Variants in COL11A1 observed in about 807,000 individuals in gnomAD.
COL11A1 encodes collagen alpha-1(XI) chain.
A neutral mutation model predicts 265.2 loss-of-function variants in COL11A1; 74 were observed. That is an observed-to-expected ratio of 0.28 (90% CI 0.23 to 0.34). COL11A1 has a LOEUF of 0.34. COL11A1 is among the 10% of genes least tolerant of loss of function. COL11A1 has a pLI of 1.00. For synonymous variants in COL11A1, 816 were observed against 727.6 expected, an observed-to-expected ratio of 1.12 and a Z score of -1.96; for missense variants, 2,165 against 2,263.6, an observed-to-expected ratio of 0.96 and a Z score of 0.88.
chr1:103,058,212 T>G (rs1028225780), intron 4 of COL11A1, among the ~76,000 whole-genome samples: 4 of 152,180 alleles, frequency 2.6e-5, no homozygotes, highest in Admixed American at 6.5e-5. Context: ...CATCATGAAC[T>G]GGCTTCTGCT....
At chr1:102,919,342 TAAC>T (rs1224375408) in intron 49 of COL11A1, among the ~76,000 whole-genome samples, 1 of 58,168 alleles carries the variant, frequency 1.7e-5, no homozygotes, top group African/African-American at 2.8e-5. Flanking sequence ...CAAAATATAA[TAAC>T]AATCTAATCT....
At chr1:103,001,540 A>C (rs1161355225) in intron 24 of COL11A1, 1 of 456,768 alleles carries the variant, frequency 2.2e-6, no homozygotes, top group African/African-American at 2.0e-5. Context: ...TGACAACTTC[A>C]CAACTTTCCT....
intron 4 of COL11A1, among the ~76,000 whole-genome samples, chr1:103,043,281 G>C (rs1316718247): frequency 6.7e-6 from 1 of 149,706 alleles, no homozygotes; most frequent in Non-Finnish European, 1.5e-5. Flanking sequence ...TGTATATCTG[G>C]ATGACCAAAC....
At chr1:103,067,780 A>G (rs1480018340) in intron 4 of COL11A1, among the ~76,000 whole-genome samples, 1 of 151,654 alleles carries the variant, frequency 6.6e-6, no homozygotes, top group Non-Finnish European at 1.5e-5. Context: ...TAGAAATTTT[A>G]AAGATATTAA....
At chr1:103,003,907 A>T (rs1384798414) in intron 20 of COL11A1, among the ~76,000 whole-genome samples, 3 of 152,158 alleles carry the variant, frequency 2.0e-5, no homozygotes, top group African/African-American at 7.2e-5. Flanking sequence ...CTTGACAAGG[A>T]TCTAAAATGT....
chr1:103,031,174 G>A lies in COL11A1; in HGVS notation c.722C>T (p.Pro241Leu), dbSNP rs1268624324. Residue 241 changes from proline (P) to leucine (L), a missense_variant, in exon 5 of 67, where the codon CCA becomes CTA. Transcript: ENST00000370096. ...AAYDYCEHYS[P>L]DCDSSAPKAA... Reference sequence around the variant, plus strand: ...CTTGGGTGCTGAAGAGTCACAGTCTGGACTATAATGCTCACAGTAGTCATA... The same window carrying A: ...CTTGGGTGCTGAAGAGTCACAGTCTAGACTATAATGCTCACAGTAGTCATA... 1 of 1,612,308 alleles carries A rather than the reference G, an allele frequency of 6.2e-7. No individual in the cohort carries two copies. The highest frequency in any genetic ancestry group is 1.3e-5 in the African/African-American group (1 of 74,870).
In COL11A1 at chr1:103,009,342, A is replaced by G. The variant is rs573051775; in HGVS notation, c.1630-826T>C. On this transcript the variant is annotated intron_variant, in intron 14 of 66. Coordinates refer to ENST00000370096, the MANE Select transcript of COL11A1 (RefSeq NM_001854.4). ...GACAGAAGAATTGCTTGAAACGGAC[A>G]GGCAGAGCTTGCAGAGAGCCAAGAT... Among the ~76,000 whole-genome samples the G allele has an allele frequency of 3.3e-5, 5 of 152,204 alleles. No homozygotes were observed. The South Asian group carries it at 8.3e-4, about 25-fold the overall frequency.
chr1:103,007,652 G>A (rs1258084556), intron 15 of COL11A1, among the ~76,000 whole-genome samples: 1 of 152,054 alleles, frequency 6.6e-6, no homozygotes, highest in Non-Finnish European at 1.5e-5. Flanking sequence ...GAGCTCAGGA[G>A]TTTGAGACCA....
At position 102,880,051 on chromosome 1, in the gene COL11A1, G is replaced by A; in HGVS notation, c.5041-135C>T. The A allele has an allele frequency of 4.6e-6, 3 of 653,316 alleles. No individual in the cohort carries two copies. The Admixed American group carries it at 8.0e-5, about 17-fold the overall frequency. The allele number at this position is 653,316 out of a possible 1,614,324, so 40.5% of individuals were successfully genotyped here. On this transcript the variant is annotated intron_variant, in intron 65 of 66. Transcript: ENST00000370096. ...ATCAAAAGACCCACCTTAACCTAAT[G>A]AAAAAAAGTGTACATTGAGGGTCAG...
At position 103,005,099 on chromosome 1, in the gene COL11A1, T is replaced by A. The variant is rs576108731; in HGVS notation, c.1846-438A>T. ...GGTGACTAAAGAAATCTGGTATTTT[T>A]TAAATGGATACAATTATGTCTTGAT... On this transcript the variant is annotated intron_variant, in intron 18 of 66. Coordinates refer to ENST00000370096, the MANE Select transcript of COL11A1 (RefSeq NM_001854.4). Among the ~76,000 whole-genome samples the A allele has an allele frequency of 5.9e-5, 9 of 152,214 alleles. No individual in the cohort carries two copies. In the East Asian group the frequency reaches 1.7e-3, roughly 29 times the overall value.
At chr1:103,005,932 A>G (rs1665564905) in intron 17 of COL11A1, 41 bp from the exon 18 acceptor site, 14 of 1,612,276 alleles carry the variant, frequency 8.7e-6, no homozygotes, top group Non-Finnish European at 1.1e-5. Context: ...CATCATCATC[A>G]CAATTCCAGT....
intron 46 of COL11A1, among the ~76,000 whole-genome samples, chr1:102,924,054 A>AAAC (rs1491295515): frequency 1.8e-5 from 1 of 55,368 alleles, no homozygotes; most frequent in African/African-American, 2.1e-4. Flanking sequence ...CTAAAAATAC[A>AAAC]AAAAAAAAAA....
chr1:102,973,368 A>T (rs1662155619), intron 36 of COL11A1, among the ~76,000 whole-genome samples: 1 of 152,106 alleles, frequency 6.6e-6, no homozygotes, highest in African/African-American at 2.4e-5. Context: ...ACATAACACA[A>T]TGGGCTGAAA....
chr1:102,926,320 G>C (rs1432019393), intron 46 of COL11A1, among the ~76,000 whole-genome samples: 2 of 152,076 alleles, frequency 1.3e-5, no homozygotes, highest in Non-Finnish European at 2.9e-5. Context: ...CCACTTAAAT[G>C]ATGAGTTGAA....
intron 10 of COL11A1, among the ~76,000 whole-genome samples, chr1:103,018,504 G>A (rs1666742488): frequency 6.6e-6 from 1 of 152,102 alleles, no homozygotes; most frequent in Non-Finnish European, 1.5e-5. Flanking sequence ...CATTTGTTAA[G>A]ATACAATTAT....
intron 5 of COL11A1, among the ~76,000 whole-genome samples, chr1:103,027,490 T>C (rs1016122623): frequency 3.4e-5 from 5 of 146,326 alleles, no homozygotes; most frequent in Non-Finnish European, 6.0e-5. Flanking sequence ...AGGGCAAACA[T>C]ATATGATAAT....
intron 14 of COL11A1, 121 bp downstream of exon 14, chr1:103,012,291 CA>C (rs1272624090): frequency 2.7e-6 from 2 of 730,242 alleles, no homozygotes; most frequent in African/African-American, 3.5e-5. Flanking sequence ...GAAACAACAG[CA>C]AGCATGAAAA....
intron 30 of COL11A1, among the ~76,000 whole-genome samples, chr1:102,987,287 G>T (rs1299698589): frequency 1.3e-5 from 2 of 150,652 alleles, no homozygotes; most frequent in Admixed American, 6.6e-5. Flanking sequence ...TGAAAGAAAA[G>T]GAATCATTTT....
chr1:103,075,539 T>C (rs376946411), intron 3 of COL11A1, among the ~76,000 whole-genome samples: 2 of 152,250 alleles, frequency 1.3e-5, no homozygotes, highest in East Asian at 1.9e-4. Context: ...GATGACAGGC[T>C]TGGCTGGGGA....
Sources: gnomAD v4.1 joint callset for allele counts (sites outside exome capture counted in the v4.1 genomes callset) on GRCh38, gnomAD v4.1.1 for gene constraint, MANE v1.5 for transcripts, NCBI Gene and HGNC (gene_info 2026-07-23, HGNC 2026-07-21) for gene names.